NSD1: variants seen among roughly 807,000 people sequenced by gnomAD.
NSD1 encodes the protein nuclear receptor binding SET domain protein 1, also known as histone-lysine N-methyltransferase, H3 lysine-36 specific.
Under a neutral mutation model 242.7 loss-of-function variants are expected in NSD1, and 26 were observed. The ratio of observed to expected loss-of-function variants is 0.11; its 90% CI spans 0.08 to 0.15. The LOEUF is 0.15. Among genes scored for constraint, NSD1 ranks in the 10% least tolerant of loss-of-function variants. The probability of loss-of-function intolerance (pLI) is 1.00; values close to 1 mark genes in which losing one functional copy is unlikely to be tolerated. For synonymous variants in NSD1, 1,106 were observed against 1,178.1 expected, an observed-to-expected ratio of 0.94 and a Z score of 1.25; for missense variants, 2,495 against 3,272.8, an observed-to-expected ratio of 0.76 and a Z score of 5.80.
chr5:177,183,427 T>G (rs2149810935), intron 2 of NSD1, among the ~76,000 whole-genome samples: 1 of 152,298 alleles, frequency 6.6e-6, no homozygotes, highest in African/African-American at 2.4e-5. Context: ...TCATTATTCT[T>G]GGGTATTGTA....
intron 2 of NSD1, among the ~76,000 whole-genome samples, chr5:177,140,475 G>A (rs1756720587): frequency 6.6e-6 from 1 of 152,144 alleles, no homozygotes; most frequent in Non-Finnish European, 1.5e-5. Context: ...AAGACTTTGA[G>A]TAGAGGAGAT....
chr5:177,175,318 C>A lies in NSD1; in HGVS notation c.928-16566C>A, dbSNP rs149127249. On this transcript the variant is annotated intron_variant, in intron 2 of 22. Transcript: ENST00000439151. ...AGTGAGTAGGAAGAAAATTTGAATG[C>A]GTATATGTTACAGACAGTCTTTTTG... Among the ~76,000 whole-genome samples, 45 of 152,196 alleles carry A rather than the reference C, an allele frequency of 3.0e-4. No individual in the cohort carries two copies. In the East Asian group the frequency reaches 8.3e-3, roughly 28 times the overall value.
chr5:177,135,123 T>C lies in NSD1; in HGVS notation c.20T>C (p.Leu7Pro), dbSNP rs995047182. 8.7e-6 allele frequency: 14 copies of C among 1,614,090 alleles called. No individual in the cohort carries two copies. Among genetic ancestry groups the C allele is most frequent in the Non-Finnish European group, 1.2e-5 (14 of 1,180,032 alleles). The change falls in exon 2 of 23, where the codon CTA (leucine) becomes CCA (proline). Residue 7 changes from leucine (L) to proline (P), a missense_variant. Physicochemically the swap from Leu to Pro is moderately conservative, Grantham distance 98 (BLOSUM62 -3). This residue lies in a region of NSD1 where 376 missense variants were observed against 367.4 expected (regional missense o/e 1.02). Transcript: ENST00000439151. ...CCCAGGATGGATCAGACCTGTGAAC[T>C]ACCCAGAAGAAATTGTCTGCTGCCC... MDQTCE[L>P]PRRNCLLPFS...
At chr5:177,267,111 G>C (rs1242371899) in intron 14 of NSD1, among the ~76,000 whole-genome samples, 1 of 152,178 alleles carries the variant, frequency 6.6e-6, no homozygotes, top group Non-Finnish European at 1.5e-5. Context: ...ACCTGCTGCA[G>C]CCTTCCAAAG....
intron 2 of NSD1, among the ~76,000 whole-genome samples, chr5:177,146,385 T>C (rs2149770609): frequency 6.6e-6 from 1 of 151,840 alleles, no homozygotes; most frequent in East Asian, 2.0e-4. Flanking sequence ...TTTGTATTTT[T>C]AGTAGAGACG....
At chr5:177,184,273 A>G (rs55733337) in intron 2 of NSD1, among the ~76,000 whole-genome samples, 4 of 152,082 alleles carry the variant, frequency 2.6e-5, no homozygotes, top group Non-Finnish European at 5.9e-5. Context: ...CCTTTTCTCC[A>G]CATCCTTTTA....
chr5:177,170,743 GTGTT>G (rs1562149536), intron 2 of NSD1, among the ~76,000 whole-genome samples: 5 of 152,126 alleles, frequency 3.3e-5, no homozygotes, highest in African/African-American at 9.7e-5. Context: ...TGTATTCACA[GTGTT>G]ATATAATCAT....
intron 12 of NSD1, among the ~76,000 whole-genome samples, chr5:177,255,212 C>T (rs993916130): frequency 1.4e-4 from 21 of 151,460 alleles, no homozygotes; most frequent in Admixed American, 6.6e-4. Context: ...GGCTAAGTCA[C>T]GAGAATTGCT....
At chr5:177,165,444 G>A (rs769571180) in intron 2 of NSD1, among the ~76,000 whole-genome samples, 3 of 152,066 alleles carry the variant, frequency 2.0e-5, no homozygotes, top group Non-Finnish European at 4.4e-5. Flanking sequence ...GAGCCACCGT[G>A]CCTGTCCCCT....
At chr5:177,153,003 C>A (rs927453370) in intron 2 of NSD1, among the ~76,000 whole-genome samples, 1 of 151,914 alleles carries the variant, frequency 6.6e-6, no homozygotes, top group Non-Finnish European at 1.5e-5. Context: ...TATATTTATT[C>A]TTTTTTCCTT....
chr5:177,199,037 A>G (rs889419970), intron 3 of NSD1, among the ~76,000 whole-genome samples: 3 of 152,242 alleles, frequency 2.0e-5, no homozygotes, highest in Non-Finnish European at 4.4e-5. Context: ...TCGACCTTAC[A>G]ATGGTGCGAA....
intron 12 of NSD1, among the ~76,000 whole-genome samples, chr5:177,254,447 C>T (rs1370181028): frequency 6.6e-5 from 10 of 151,826 alleles, no homozygotes; most frequent in African/African-American, 1.2e-4. Flanking sequence ...TCACCCAGGC[C>T]GGAGTGCAGT....
At position 177,210,079 on chromosome 5, in the gene NSD1, G is replaced by T. The variant is rs746848984; in HGVS notation, c.1680G>T (p.Gly560=). ...CCAGGATAGCAAATAGCCTCACAGG[G>T]TCCAACACTGCCCCAGGAAGTTTTC... The part of the protein sequence containing the change: ...ELSRIANSLT[G]SNTAPGSFLF... The change falls in exon 5 of 23, where the codon GGG becomes GGT. Residue 560 remains glycine (G), a synonymous_variant. Transcript: ENST00000439151. 19 of 1,613,802 alleles carry T rather than the reference G, an allele frequency of 1.2e-5. 1 individual carries two copies. The South Asian group carries it at 2.0e-4, about 17-fold the overall frequency.
At chr5:177,165,597 T>C (rs942898618) in intron 2 of NSD1, among the ~76,000 whole-genome samples, 1 of 152,104 alleles carries the variant, frequency 6.6e-6, no homozygotes, top group African/African-American at 2.4e-5. Flanking sequence ...GACATTCTTT[T>C]TCTTTCTCTT....
At chr5:177,249,152 A>G (rs554308520) in intron 11 of NSD1, among the ~76,000 whole-genome samples, 44 of 152,228 alleles carry the variant, frequency 2.9e-4, no homozygotes, top group African/African-American at 1.0e-3. Context: ...TGATTTACCT[A>G]TGTAATTCTT....
intron 2 of NSD1, among the ~76,000 whole-genome samples, chr5:177,145,372 G>A (rs1757154613): frequency 1.3e-5 from 2 of 149,454 alleles, no homozygotes; most frequent in South Asian, 4.2e-4. Context: ...TAGACCTCCT[G>A]TGTTAAAGTG....
At chr5:177,194,432 C>G (rs1057499269) in intron 3 of NSD1, among the ~76,000 whole-genome samples, 34 of 148,544 alleles carry the variant, frequency 2.3e-4, no homozygotes. Flanking sequence ...CGTGTGCCAC[C>G]ACACATGGCT....
At chr5:177,279,930 A>T (rs1287207533) in intron 17 of NSD1, among the ~76,000 whole-genome samples, 1 of 149,142 alleles carries the variant, frequency 6.7e-6, no homozygotes, top group Non-Finnish European at 1.5e-5. Context: ...ATTATTTTTT[A>T]AAATGAATTT....
chr5:177,285,149 G>T (rs1267710419), intron 20 of NSD1, among the ~76,000 whole-genome samples: 2 of 152,176 alleles, frequency 1.3e-5, no homozygotes, highest in Non-Finnish European at 2.9e-5. Flanking sequence ...GTAAAGTTAT[G>T]TGGTAGATAT....
Sources: allele counts gnomAD v4.1 joint callset (sites outside exome capture counted in the v4.1 genomes callset), GRCh38; gene constraint gnomAD v4.1.1; regional missense constraint gnomAD v4.1.1; transcripts MANE v1.5; gene names NCBI Gene and HGNC (gene_info 2026-07-23, HGNC 2026-07-21).